Variants in PLEKHH1 observed in about 807,000 individuals in gnomAD.
PLEKHH1 encodes pleckstrin homology, MyTH4 and FERM domain containing H1, also known as pleckstrin homology domain-containing family H member 1.
In PLEKHH1, 104 loss-of-function variants were observed where a neutral mutation model predicts 160.0. The ratio of observed to expected loss-of-function variants is 0.65; its 90% confidence interval spans 0.55 to 0.76. PLEKHH1 has a LOEUF of 0.76. Among genes scored for constraint, PLEKHH1 ranks in the 30% least tolerant of loss-of-function variants. The pLI is 0.00. For missense variants in PLEKHH1, 1,427 were observed against 1,724.1 expected (o/e 0.83, Z 3.05); for synonymous variants, 619 against 678.4 (o/e 0.91, Z 1.36).
Position 67,587,133 on chromosome 14 carries a change from C to T in PLEKHH1, c.3993C>T (p.Asn1331=), listed in dbSNP as rs750118327. 133 of 1,613,406 alleles carry T rather than the reference C, an allele frequency of 8.2e-5. No individual in the cohort carries two copies. The highest frequency in any genetic ancestry group is 1.1e-4 in the Non-Finnish European group (124 of 1,179,608). ...SYMNHCTTTV[N]PPTNPPGACQ... ...TGAACCATTGCACTACAACTGTGAACCCCCCCACCAACCCACCCGGAGCCT... is the reference window on the plus strand; with the variant it reads ...TGAACCATTGCACTACAACTGTGAATCCCCCCACCAACCCACCCGGAGCCT... The change falls in exon 29 of 29, where the codon AAC becomes AAT. Residue 1331 remains asparagine (N), a synonymous_variant. Coordinates refer to ENST00000329153, the MANE Select transcript of PLEKHH1 (RefSeq NM_020715.3).
chr14:67,557,515 T>TG, intron 4 of PLEKHH1, 97 bp downstream of exon 4: 1 of 1,153,818 alleles, frequency 8.7e-7, no homozygotes, highest in Non-Finnish European at 1.2e-6. Flanking sequence ...CCTCTAGTGC[T>TG]GGGGAACTCG....
chr14:67,583,970 A>G (rs76327566), intron 25 of PLEKHH1, 25 bp from the exon 26 acceptor site: 37,937 of 1,613,648 alleles, frequency 0.024, 1,462 homozygotes, highest in East Asian at 0.13. Context: ...CATTGGCACT[A>G]TTTCTCTCCA....
rs113326155 is a variant in PLEKHH1, at chr14:67,561,026, C to T, written c.424-928C>T. On this transcript the variant is annotated intron_variant, in intron 5 of 28. Transcript: ENST00000329153. ...GATTACGGGTGTGAGCCACCACACC[C>T]GGCTGACAAACATACATCTTTTCCT... Among the ~76,000 whole-genome samples, 243 of 152,282 alleles carry T rather than the reference C, an allele frequency of 1.6e-3. 1 individual carries two copies. Among genetic ancestry groups the T allele is most frequent in the African/African-American group, 5.3e-3 (219 of 41,558 alleles).
At position 67,571,826 on chromosome 14, in the gene PLEKHH1, G is replaced by C. The variant is rs748365368; in HGVS notation, c.1509G>C (p.Ala503=). 1 of 1,613,956 alleles carries C rather than the reference G, an allele frequency of 6.2e-7. No homozygotes were observed. Among genetic ancestry groups the C allele is most frequent in the Admixed American group, 1.7e-5 (1 of 60,022 alleles). ...CTGACGATGACTGCAGCTCTCAGGC[G>C]AGTTTCCGAATCTCGGTCCCCTCCT... ...SGSDDDCSSQ[A]SFRISVPSSE... The change falls in exon 10 of 29, where the codon GCG becomes GCC. Residue 503 remains alanine (A), a synonymous_variant. Coordinates refer to ENST00000329153, the MANE Select transcript of PLEKHH1 (RefSeq NM_020715.3).
At chr14:67,580,513 T>C (rs1566761904) in intron 22 of PLEKHH1, among the ~76,000 whole-genome samples, 1 of 152,268 alleles carries the variant, frequency 6.6e-6, no homozygotes, top group Non-Finnish European at 1.5e-5. Flanking sequence ...TCTTTTAACA[T>C]TGCCTGGAAA....
chr14:67,575,915 C>T lies in PLEKHH1; in HGVS notation c.2262C>T (p.Thr754=), dbSNP rs775482648. ...DSDEDYEAGG[T]RRLLSSHCTL... The stretch of plus-strand genomic sequence containing the variant: ...ACGAGGACTATGAGGCTGGAGGAAC[C>T]AGACGGTTGCTTTCCTCCCACTGCA... Residue 754 remains threonine (T), a synonymous_variant, in exon 16 of 29, where the codon ACC becomes ACT. Transcript: ENST00000329153. 4.3e-6 allele frequency: 7 copies of T among 1,613,684 alleles called. No homozygotes were observed. Among genetic ancestry groups the T allele is most frequent in the Non-Finnish European group, 5.9e-6 (7 of 1,179,628 alleles).
rs2036240865 is a variant in PLEKHH1, at chr14:67,587,868, G to A, written c.*633G>A. The A allele has an allele frequency of 6.5e-6, 1 of 154,136 alleles. No homozygotes were observed. The highest frequency in any genetic ancestry group is 6.4e-5 in the Admixed American group (1 of 15,506). 9.5% of individuals were successfully genotyped at this position (154,136 alleles called of 1,614,324 possible). On this transcript the variant is annotated 3_prime_UTR_variant, in exon 29 of 29. Transcript: ENST00000329153. ...GCCCAGAAGCTAATTTTTTAATATT[G>A]TATATGGTCTTATTTATACTTGAAG...
chr14:67,574,166 T>C lies in PLEKHH1; in HGVS notation c.1927-76T>C. On this transcript the variant is annotated intron_variant, in intron 13 of 28. Transcript: ENST00000329153. The surrounding 1 kb of genome is among the most constrained non-coding windows in gnomAD (Gnocchi z 4.2). ...CCAGCCCCTTGGGTTCAGGGACAGGTGCCACCTCGGAGCCAGGTCCTGGTT... is the reference window on the plus strand; with the variant it reads ...CCAGCCCCTTGGGTTCAGGGACAGGCGCCACCTCGGAGCCAGGTCCTGGTT... 7.4e-7 allele frequency: 1 copy of C among 1,351,222 alleles called. No individual in the cohort carries two copies. The highest frequency in any genetic ancestry group is 1.0e-6 in the Non-Finnish European group (1 of 999,294). 83.7% of individuals were successfully genotyped at this position (1,351,222 alleles called of 1,614,324 possible). A position where few individuals can be genotyped will look rare whatever the true frequency, so the allele number is the denominator to read the frequency against.
chr14:67,541,086 G>C (rs1025634118), intron 1 of PLEKHH1, among the ~76,000 whole-genome samples: 2 of 152,190 alleles, frequency 1.3e-5, no homozygotes, highest in African/African-American at 4.8e-5. Context: ...GAAATGGTGA[G>C]AATCTATTCC....
At chr14:67,564,914 C>A (rs1259801977) in intron 7 of PLEKHH1, among the ~76,000 whole-genome samples, 1 of 152,152 alleles carries the variant, frequency 6.6e-6, no homozygotes, top group Non-Finnish European at 1.5e-5. Context: ...TGGTCTCGAA[C>A]TCCCAGGCTC....
chr14:67,579,900 C>G (rs901758685), intron 22 of PLEKHH1, 24 bp downstream of exon 22: 4 of 1,575,498 alleles, frequency 2.5e-6, no homozygotes, highest in Non-Finnish European at 3.4e-6. Context: ...ACTAAGCCAG[C>G]TGAGCCCCTC....
At chr14:67,585,517 T>C (rs925573256) in intron 26 of PLEKHH1, 51 bp from the exon 27 acceptor site, 4 of 1,281,556 alleles carry the variant, frequency 3.1e-6, no homozygotes, top group African/African-American at 1.5e-5. Flanking sequence ...TTATTATAGT[T>C]CAAAATCTCT....
chr14:67,583,552 G>A (rs191889787), intron 24 of PLEKHH1, among the ~76,000 whole-genome samples, 189 bp from the exon 25 acceptor site: 2 of 152,144 alleles, frequency 1.3e-5, no homozygotes, highest in Non-Finnish European at 2.9e-5. Context: ...TAATATTCGA[G>A]GGCCCTAAGT....
At chr14:67,562,984 G>A in intron 7 of PLEKHH1, 90 bp downstream of exon 7, 1 of 1,342,530 alleles carries the variant, frequency 7.4e-7, no homozygotes, top group Non-Finnish European at 1.0e-6. Context: ...AGCAGGAGAG[G>A]AGGCTGCTGG....
chr14:67,553,087 A>G (rs973069347), intron 2 of PLEKHH1, among the ~76,000 whole-genome samples: 3 of 152,228 alleles, frequency 2.0e-5, no homozygotes, highest in African/African-American at 7.2e-5. Context: ...CCTTTACTCC[A>G]CCTTGGTCTC....
chr14:67,584,187 G>C, intron 26 of PLEKHH1, 63 bp downstream of exon 26: 1 of 1,562,452 alleles, frequency 6.4e-7, no homozygotes, highest in South Asian at 1.1e-5. Flanking sequence ...TCATGTTTGA[G>C]CCATACCAAT....
rs1259370402 is a variant in PLEKHH1, at chr14:67,562,193, C to T, written c.562C>T (p.Gln188Ter). The change falls in exon 7 of 29, where the codon CAG (glutamine) becomes TAG (stop). Residue 188 changes from glutamine (Q) to a stop codon, truncating the protein, a stop_gained. Transcript: ENST00000329153. LOFTEE classifies it high-confidence loss of function. ...GGTGCCCCCCTACGGAGCTGCAGAGCAGGATTCTGTCCCTTCAGAGCCGGG... is the reference window on the plus strand; with the variant it reads ...GGTGCCCCCCTACGGAGCTGCAGAGTAGGATTCTGTCCCTTCAGAGCCGGG... ...LLVPPYGAAE[Q>*]DSVPSEPGIQ... is the part of the protein sequence containing the mutation. The T allele has an allele frequency of 6.2e-7, 1 of 1,611,474 alleles. No homozygotes were observed. Among genetic ancestry groups the T allele is most frequent in the Admixed American group, 1.7e-5 (1 of 59,672 alleles).
chr14:67,575,795 C>T, intron 15 of PLEKHH1, 28 bp from the exon 16 acceptor site: 3 of 1,584,934 alleles, frequency 1.9e-6, no homozygotes, highest in Non-Finnish European at 2.6e-6. Flanking sequence ...CACTGGCTCT[C>T]CCATTCATGG....
intron 5 of PLEKHH1, 77 bp from the exon 6 acceptor site, chr14:67,561,877 A>T (rs1292043132): frequency 8.5e-7 from 1 of 1,174,064 alleles, no homozygotes; most frequent in Non-Finnish European, 1.2e-6. Context: ...CTCAAAAAAA[A>T]AAAAAAAAAG....
Sources: gnomAD v4.1 joint callset for allele counts (sites outside exome capture counted in the v4.1 genomes callset) on GRCh38, gnomAD v4.1.1 for gene constraint, Gnocchi (gnomAD v3.1) non-coding constraint, MANE v1.5 for transcripts, NCBI Gene and HGNC (gene_info 2026-07-23, HGNC 2026-07-21) for gene names.